Variants in STARD9 observed in about 807,000 individuals in gnomAD.
STARD9 encodes the protein StAR related lipid transfer domain containing 9, also known as stAR-related lipid transfer protein 9.
In STARD9, 346 loss-of-function variants were observed where a neutral mutation model predicts 399.8. The observed-to-expected ratio is 0.87, with a 90% CI of 0.79 to 0.95. STARD9 has a LOEUF of 0.95. STARD9 is among the 40% of genes least tolerant of loss of function. The probability of loss-of-function intolerance (pLI) is 0.00; values close to 1 mark genes in which losing one functional copy is unlikely to be tolerated. For synonymous variants in STARD9, 2,203 were observed against 2,143.5 expected (o/e 1.03, Z -0.77); for missense variants, 5,832 against 5,667.5 (o/e 1.03, Z -0.93).
chr15:42,615,206 C>T (rs1362896708), intron 3 of STARD9, among the ~76,000 whole-genome samples: 2 of 151,910 alleles, frequency 1.3e-5, no homozygotes, highest in Non-Finnish European at 2.9e-5. Context: ...GAGAGCGTTT[C>T]ACTATGTTGG....
At chr15:42,621,056 T>C (rs2059082746) in intron 3 of STARD9, among the ~76,000 whole-genome samples, 1 of 152,284 alleles carries the variant, frequency 6.6e-6, no homozygotes, top group Non-Finnish European at 1.5e-5. Context: ...CTGGTATACA[T>C]GTCCCTTAAT....
intron 22 of STARD9, 63 bp from the exon 23 acceptor site, chr15:42,684,053 C>T: frequency 6.8e-7 from 1 of 1,467,090 alleles, no homozygotes; most frequent in South Asian, 1.4e-5. Context: ...TTTTTAACCT[C>T]CTTCTGTCCA....
At chr15:42,575,849 C>T in intron 1 of STARD9, 87 bp downstream of exon 1, 4 of 1,412,916 alleles carry the variant, frequency 2.8e-6, no homozygotes, top group East Asian at 5.0e-5. Context: ...GAGATTCTGG[C>T]GCGCAGAAAT....
intron 26 of STARD9, among the ~76,000 whole-genome samples, chr15:42,699,697 T>G (rs1421905527): frequency 2.0e-5 from 3 of 151,662 alleles, no homozygotes; most frequent in African/African-American, 7.3e-5. Context: ...CTGGCTAACT[T>G]TTTTATTTTC....
chr15:42,648,182 A>T (rs766696789), intron 7 of STARD9, among the ~76,000 whole-genome samples: 9 of 152,218 alleles, frequency 5.9e-5, no homozygotes, highest in Non-Finnish European at 1.2e-4. Context: ...TGTTTGTTTG[A>T]GATGGAGTCT....
rs142151692 is a variant in STARD9 at position 42,716,813 on chromosome 15, T to C, written c.13372+49T>C. The stretch of plus-strand genomic sequence containing the variant: ...ATAGCCAGCTGCCTGGTTTGGGGAC[T>C]TGGGGGCTGATGGCTGCTAGATCTT... On this transcript the variant is annotated intron_variant, in intron 27 of 32. Transcript: ENST00000290607. The C allele has an allele frequency of 5.7e-5, 87 of 1,522,228 alleles. 1 individual carries two copies. The East Asian group carries it at 2.1e-3, about 37-fold the overall frequency. 94.3% of individuals were successfully genotyped at this position (1,522,228 alleles called of 1,614,324 possible).
At chr15:42,663,736 G>C (rs1472664467) in intron 12 of STARD9, 84 bp from the exon 13 acceptor site, 5 of 1,061,842 alleles carry the variant, frequency 4.7e-6, no homozygotes, top group South Asian at 1.4e-5. Flanking sequence ...GTCTTATACA[G>C]CATGGGCAGT....
At chr15:42,704,681 C>T (rs1051721081) in intron 26 of STARD9, among the ~76,000 whole-genome samples, 3 of 152,160 alleles carry the variant, frequency 2.0e-5, no homozygotes, top group African/African-American at 4.8e-5. Context: ...TTCCCCACCT[C>T]GTGTGGTAAT....
intron 26 of STARD9, among the ~76,000 whole-genome samples, chr15:42,706,612 G>C (rs1595815643): frequency 2.0e-5 from 3 of 152,120 alleles, no homozygotes; most frequent in African/African-American, 7.2e-5. Context: ...ACCATGCCTG[G>C]CTAATTTTTG....
At chr15:42,590,081 C>G (rs1435011879) in intron 3 of STARD9, among the ~76,000 whole-genome samples, 1 of 151,760 alleles carries the variant, frequency 6.6e-6, no homozygotes, top group Non-Finnish European at 1.5e-5. Context: ...CCACCTCAGC[C>G]TCCTGAGTAG....
chr15:42,708,851 C>T (rs966531394), intron 26 of STARD9, among the ~76,000 whole-genome samples: 5 of 151,998 alleles, frequency 3.3e-5, no homozygotes, highest in Non-Finnish European at 7.4e-5. Flanking sequence ...AAAAAAAATA[C>T]CATAGAAGTG....
In STARD9 at chr15:42,675,743, G is replaced by A; in HGVS notation, c.1767G>A (p.Arg589=). 1 of 1,537,060 alleles carries A rather than the reference G, an allele frequency of 6.5e-7. No individual in the cohort carries two copies. The highest frequency in any genetic ancestry group is 2.4e-5 in the East Asian group (1 of 40,920). The change falls in exon 19 of 33, where the codon AGG becomes AGA. Residue 589 remains arginine, a synonymous_variant. Transcript: ENST00000290607. ...PAEAAVLRQR[R]QVGEAAAGRG... Reference sequence around the variant, plus strand: ...AGGCTGCTGTCCTGCGGCAGCGAAGGCAGGTTAGCAGGGCTGTGTTTTCTA... The same window carrying A: ...AGGCTGCTGTCCTGCGGCAGCGAAGACAGGTTAGCAGGGCTGTGTTTTCTA...
intron 26 of STARD9, among the ~76,000 whole-genome samples, chr15:42,710,314 G>A (rs2061186480): frequency 2.0e-5 from 3 of 151,092 alleles, no homozygotes; most frequent in South Asian, 4.2e-4. Context: ...CTGCCCGCCT[G>A]AGCCTCCCAA....
intron 26 of STARD9, among the ~76,000 whole-genome samples, chr15:42,707,423 C>T (rs555673575): frequency 6.6e-6 from 1 of 151,218 alleles, no homozygotes; most frequent in Non-Finnish European, 1.5e-5. Context: ...ATGCAAGACT[C>T]GAAATCAGCA....
chr15:42,627,835 A>G (rs1400075928), intron 3 of STARD9, among the ~76,000 whole-genome samples: 1 of 152,196 alleles, frequency 6.6e-6, no homozygotes, highest in Non-Finnish European at 1.5e-5. Flanking sequence ...CTCTTGATGG[A>G]CATTTAGGTT....
chr15:42,690,465 G>A lies in STARD9; in HGVS notation c.8887G>A (p.Ala2963Thr). The change falls in exon 23 of 33, where the codon GCT (alanine) becomes ACT (threonine). Residue 2963 changes from alanine (A) to threonine (T), a missense_variant. Ala to Thr is a moderately conservative substitution (Grantham distance 58, BLOSUM62 0). This residue lies in a region of STARD9 where 5,828 missense variants were observed against 5,651.1 expected (regional missense o/e 1.03). Transcript: ENST00000290607. ...ACAGCCATGCAGTTCTCAACCTGTT[G>A]CTACTCATGCTTATTCCTCCCATTC... ...CRQPCSSQPV[A>T]THAYSSHSST... The A allele has an allele frequency of 1.3e-6, 2 of 1,537,226 alleles. No homozygotes were observed. Among genetic ancestry groups the A allele is most frequent in the African/African-American group, 1.4e-5 (1 of 73,164 alleles).
In STARD9 at chr15:42,685,416, C is replaced by T; in HGVS notation, c.3838C>T (p.Gln1280Ter). 1 of 1,534,298 alleles carries T rather than the reference C, an allele frequency of 6.5e-7. No individual in the cohort carries two copies. Among genetic ancestry groups the T allele is most frequent in the Non-Finnish European group, 8.7e-7 (1 of 1,145,006 alleles). Residue 1280 changes from glutamine (Q) to a stop codon, truncating the protein, a stop_gained, in exon 23 of 33, where the codon CAG becomes TAG. Coordinates refer to ENST00000290607, the MANE Select transcript of STARD9 (RefSeq NM_020759.3). LOFTEE classifies it high-confidence loss of function. ...GAGCAGTTCGTTTTACCTTGATCCT[C>T]AGTTCCAACCCCATTGTGAGCTCCA... ...PMSSSFYLDP[Q>*]FQPHCELQPH...
At position 42,634,898 on chromosome 15, in the gene STARD9, A is replaced by G; in HGVS notation, c.277A>G (p.Lys93Glu). ...LGMEVLSGVA[K>E]GYNICLFAYG... ...GATGGAAGTACTGTCTGGAGTTGCCAAAGGCTATAACATATGCCTTTTTGC... is the reference window on the plus strand; with the variant it reads ...GATGGAAGTACTGTCTGGAGTTGCCGAAGGCTATAACATATGCCTTTTTGC... Residue 93 changes from lysine to glutamate, a missense_variant, in exon 4 of 33, where the codon AAA becomes GAA. This residue lies in a region of STARD9 where 5,828 missense variants were observed against 5,651.1 expected (regional missense o/e 1.03). Coordinates refer to ENST00000290607, the MANE Select transcript of STARD9 (RefSeq NM_020759.3). 6.5e-7 allele frequency: 1 copy of G among 1,536,644 alleles called. No homozygotes were observed. Among genetic ancestry groups the G allele is most frequent in the South Asian group, 1.2e-5 (1 of 83,946 alleles).
rs2059902859 is a variant in STARD9, at chr15:42,657,647, A to C, written c.703-3511A>C. Among the ~76,000 whole-genome samples, 3 of 152,246 alleles carry C rather than the reference A, an allele frequency of 2.0e-5. No individual in the cohort carries two copies. The South Asian group carries it at 6.2e-4, about 31-fold the overall frequency. ...CAACATTATCAAACTATGTGACCTGACATTTTCAGAACACTTCATCCAACA... is the reference window on the plus strand; with the variant it reads ...CAACATTATCAAACTATGTGACCTGCCATTTTCAGAACACTTCATCCAACA... On this transcript the variant is annotated intron_variant, in intron 9 of 32. Transcript: ENST00000290607.
Sources: allele counts gnomAD v4.1 joint callset (sites outside exome capture counted in the v4.1 genomes callset), GRCh38; gene constraint gnomAD v4.1.1; regional missense constraint gnomAD v4.1.1; transcripts MANE v1.5; gene names NCBI Gene and HGNC (gene_info 2026-07-23, HGNC 2026-07-21).